PRDM10: variants seen among roughly 807,000 people sequenced by gnomAD.
The protein encoded by PRDM10 is PR/SET domain 10, also known as PR domain zinc finger protein 10.
In PRDM10, 65 loss-of-function variants were observed where a neutral mutation model predicts 133.1. That is an observed-to-expected ratio of 0.49 (90% CI 0.40 to 0.60). The LOEUF is 0.60. PRDM10 is among the 20% of genes least tolerant of loss of function. The probability of loss-of-function intolerance (pLI) is 0.00; values close to 1 mark genes in which losing one functional copy is unlikely to be tolerated. For synonymous variants in PRDM10, 582 were observed against 580.4 expected (o/e 1.00, Z -0.04); for missense variants, 1,137 against 1,507.1 (o/e 0.75, Z 4.07).
At chr11:129,919,440 A>AT in intron 13 of PRDM10, among the ~76,000 whole-genome samples, 1 of 152,204 alleles carries the variant, frequency 6.6e-6, no homozygotes, top group Non-Finnish European at 1.5e-5. Flanking sequence ...TCCCAAAAGA[A>AT]TTTAAGTAAG....
intron 13 of PRDM10, among the ~76,000 whole-genome samples, chr11:129,922,763 C>A (rs1212760917): frequency 6.6e-6 from 1 of 152,178 alleles, no homozygotes; most frequent in Non-Finnish European, 1.5e-5. Context: ...TACGGATACT[C>A]ATAATGTTTT....
At chr11:130,002,146 C>G (rs905575218) in intron 1 of PRDM10, among the ~76,000 whole-genome samples, 4 of 149,490 alleles carry the variant, frequency 2.7e-5, no homozygotes, top group Non-Finnish European at 6.0e-5. Flanking sequence ...GCCCGGCGCC[C>G]GGCCCCCAGC....
At chr11:129,928,702 G>A (rs568512221) in intron 11 of PRDM10, among the ~76,000 whole-genome samples, 111 of 152,190 alleles carry the variant, frequency 7.3e-4, no homozygotes, top group African/African-American at 2.6e-3. Context: ...GCAGTTTTGG[G>A]GTCTTTTAAA....
At chr11:129,981,189 G>A (rs1377783272) in intron 1 of PRDM10, among the ~76,000 whole-genome samples, 1 of 151,992 alleles carries the variant, frequency 6.6e-6, no homozygotes, top group Non-Finnish European at 1.5e-5. Flanking sequence ...TCCTTTTTCA[G>A]GTGATGAAAA....
chr11:129,987,177 T>C (rs1482233746), intron 1 of PRDM10, among the ~76,000 whole-genome samples: 4 of 152,314 alleles, frequency 2.6e-5, no homozygotes, highest in Non-Finnish European at 4.4e-5. Context: ...AATACTTTTA[T>C]TGGCCTCAAT....
At chr11:129,955,633 A>G in intron 3 of PRDM10, 62 bp from the exon 4 acceptor site, 1 of 1,527,030 alleles carries the variant, frequency 6.5e-7, no homozygotes, top group Non-Finnish European at 9.0e-7. Context: ...CTACACAGAA[A>G]AATTATCCTA....
intron 17 of PRDM10, among the ~76,000 whole-genome samples, chr11:129,913,349 G>A (rs150266005): frequency 6.6e-6 from 1 of 151,976 alleles, no homozygotes; most frequent in African/African-American, 2.4e-5. Context: ...CCATACAACA[G>A]GATAAAAAAA....
intron 1 of PRDM10, among the ~76,000 whole-genome samples, chr11:129,975,770 C>CG (rs1565505724): frequency 6.6e-6 from 1 of 152,186 alleles, no homozygotes; most frequent in Admixed American, 6.5e-5. Context: ...CCACCGCCCT[C>CG]GAAGTGCTGG....
intron 2 of PRDM10, among the ~76,000 whole-genome samples, chr11:129,959,097 T>C (rs1951749738): frequency 6.6e-6 from 1 of 152,238 alleles, no homozygotes. Context: ...GCCTTGGCTT[T>C]GGACCTAACT....
rs201121103 is a variant in PRDM10, at chr11:130,000,691, G to GT, written c.-119+2030dup. ...GCATAGCAGAGTGGGAGCTTACGGGGTAGAAGGCACAAGACATTTGTCTTG... is the reference window on the plus strand; with the variant it reads ...GCATAGCAGAGTGGGAGCTTACGGGGTTAGAAGGCACAAGACATTTGTCTTG... On this transcript the variant is annotated intron_variant, in intron 1 of 20. Transcript: ENST00000360871. 8.5e-3 allele frequency among the ~76,000 whole-genome samples: 1,293 copies of GT among 152,280 alleles called. 13 individuals are homozygous for GT. The highest frequency in any genetic ancestry group is 0.029 in the African/African-American group (1,214 of 41,542).
At position 129,939,335 on chromosome 11, in the gene PRDM10, T is replaced by TATAA. The variant is rs758260973; in HGVS notation, c.967-1669_967-1666dup. On this transcript the variant is annotated intron_variant, in intron 7 of 20. Transcript: ENST00000360871. ...ATTATTTTAAATATATGGAAATATT[T>TATAA]ATAAAGACATTTTATTTTTTACTGT... Among the ~76,000 whole-genome samples, 15 of 152,376 alleles carry TATAA rather than the reference T, an allele frequency of 9.8e-5. No individual in the cohort carries two copies. In the East Asian group the frequency reaches 2.7e-3, roughly 27 times the overall value.
chr11:129,941,352 T>A (rs1427858046), intron 7 of PRDM10, among the ~76,000 whole-genome samples: 1 of 152,228 alleles, frequency 6.6e-6, no homozygotes, highest in African/African-American at 2.4e-5. Flanking sequence ...TATTATGTCA[T>A]CAAGAATTAT....
In PRDM10 at chr11:129,905,659, G is replaced by T; in HGVS notation, c.3246C>A (p.Gly1082=). Residue 1082 remains glycine (G), a synonymous_variant, in exon 20 of 21, where the codon GGC becomes GGA. Transcript: ENST00000360871. The part of the protein sequence containing the change: ...DSGVATPVTT[G]QVKAVTSGHY... ...TTACCGAAGTAACCGCCTTCACCTG[G>T]CCAGTAGTAACTGGAGTTGCCACAC... 6.2e-7 allele frequency: 1 copy of T among 1,614,026 alleles called. No individual in the cohort carries two copies. The highest frequency in any genetic ancestry group is 1.6e-4 in the Middle Eastern group (1 of 6,062).
In PRDM10 at chr11:129,923,070, T is replaced by A. The variant is rs1437294076; in HGVS notation, c.2034+178A>T. ...ATTTGAATTAACTATTTTGAGGAAATGAGTAAGTTTTCCCCCTTAATTTTA... is the reference window on the plus strand; with the variant it reads ...ATTTGAATTAACTATTTTGAGGAAAAGAGTAAGTTTTCCCCCTTAATTTTA... On this transcript the variant is annotated intron_variant, in intron 13 of 20. Coordinates refer to ENST00000360871, the MANE Select transcript of PRDM10 (RefSeq NM_199437.2). The surrounding 1 kb of genome is among the most constrained non-coding windows in gnomAD (Gnocchi z 4.4). Among the ~76,000 whole-genome samples the A allele has an allele frequency of 6.6e-6, 1 of 152,228 alleles. No homozygotes were observed. The highest frequency in any genetic ancestry group is 1.5e-5 in the Non-Finnish European group (1 of 68,034).
At chr11:129,935,900 G>C (rs1051997796) in intron 8 of PRDM10, among the ~76,000 whole-genome samples, 1 of 152,180 alleles carries the variant, frequency 6.6e-6, no homozygotes, top group African/African-American at 2.4e-5. Context: ...GTTATTCACG[G>C]TGTCCCACCT....
chr11:129,930,720 C>T (rs1009035779), intron 11 of PRDM10, among the ~76,000 whole-genome samples: 1 of 152,208 alleles, frequency 6.6e-6, no homozygotes, highest in Non-Finnish European at 1.5e-5. Context: ...TATTTCTCCA[C>T]TTCCAATCTG....
At position 129,917,842 on chromosome 11, in the gene PRDM10, A is replaced by AGCTGGGG. The variant is rs1950404160; in HGVS notation, c.2215-612_2215-606dup. Among the ~76,000 whole-genome samples, 8 of 152,228 alleles carry AGCTGGGG rather than the reference A, an allele frequency of 5.3e-5. No individual in the cohort carries two copies. The South Asian group carries it at 1.7e-3, about 31-fold the overall frequency. ...GAAAAGAGAGGCATTAAAAGGAAACAGCTGGGGGCTGGGTGCAGTGGCTCA... is the reference window on the plus strand; with the variant it reads ...GAAAAGAGAGGCATTAAAAGGAAACAGCTGGGGGCTGGGGGCTGGGTGCAGTGGCTCA... On this transcript the variant is annotated intron_variant, in intron 14 of 20. Coordinates refer to ENST00000360871, the MANE Select transcript of PRDM10 (RefSeq NM_199437.2).
At chr11:129,927,839 C>T (rs138422085) in intron 11 of PRDM10, among the ~76,000 whole-genome samples, 1 of 152,302 alleles carries the variant, frequency 6.6e-6, no homozygotes, top group African/African-American at 2.4e-5. Flanking sequence ...AAGGTGTCTT[C>T]TGTAGCTCAG....
At chr11:129,974,735 A>G (rs1937659626) in intron 1 of PRDM10, among the ~76,000 whole-genome samples, 1 of 152,184 alleles carries the variant, frequency 6.6e-6, no homozygotes, top group Non-Finnish European at 1.5e-5. Context: ...CGGCACCTCA[A>G]TAAAGTACCC....
Sources: allele counts gnomAD v4.1 joint callset (sites outside exome capture counted in the v4.1 genomes callset), GRCh38; gene constraint gnomAD v4.1.1; non-coding constraint Gnocchi (gnomAD v3.1); transcripts MANE v1.5; gene names NCBI Gene and HGNC (gene_info 2026-07-23, HGNC 2026-07-21).